TYRP1: variants seen among roughly 807,000 people sequenced by gnomAD.
TYRP1 encodes the protein 5,6-dihydroxyindole-2-carboxylic acid oxidase.
In TYRP1, 49 loss-of-function variants were observed where a neutral mutation model predicts 42.8. The observed-to-expected ratio is 1.14, with a 90% CI of 0.91 to 1.45. The LOEUF is 1.45. Among genes scored for constraint, TYRP1 ranks in the 40% most tolerant of loss-of-function variants. The pLI, the probability that TYRP1 is intolerant of heterozygous loss-of-function variation, is 0.00. For synonymous variants in TYRP1, 279 were observed against 235.4 expected (o/e 1.19, Z -1.69); for missense variants, 848 against 662.0 (o/e 1.28, Z -3.08).
At chr9:12,705,629 T>C (rs1458902218) in intron 6 of TYRP1, among the ~76,000 whole-genome samples, 1 of 151,982 alleles carries the variant, frequency 6.6e-6, no homozygotes, top group Admixed American at 6.6e-5. Flanking sequence ...TGGGGATCAC[T>C]TGAGCCCAAG....
chr9:12,708,299 A>G (rs41316021), intron 7 of TYRP1, among the ~76,000 whole-genome samples, 156 bp downstream of exon 7: 1 of 151,926 alleles, frequency 6.6e-6, no homozygotes, highest in South Asian at 2.1e-4. Context: ...AAGGAATTTG[A>G]TATTTGTTGA....
rs751553879 is a variant in TYRP1 at position 12,709,110 on chromosome 9, C to T, written c.1542C>T (p.Leu514=). The T allele has an allele frequency of 3.7e-6, 6 of 1,612,646 alleles. No individual in the cohort carries two copies. In the East Asian group the frequency reaches 1.1e-4, roughly 30 times the overall value. ...GTATGGATGAAGCTAACCAGCCTCT[C>T]CTCACTGATCAGTATCAATGCTATG... is the stretch of plus-strand genomic sequence containing the variant. The part of the protein sequence containing the change: ...RRSMDEANQP[L]LTDQYQCYAE... Residue 514 remains leucine, a synonymous_variant, in exon 8 of 8, where the codon CTC becomes CTT. Coordinates refer to ENST00000388918, the MANE Select transcript of TYRP1 (RefSeq NM_000550.3).
chr9:12,707,757 C>G (rs1586847334), intron 6 of TYRP1: 5 of 413,700 alleles, frequency 1.2e-5, no homozygotes, highest in Non-Finnish European at 2.1e-5. Context: ...AATACTAAAA[C>G]TCCCCTGCTT....
chr9:12,704,604 C>T lies in TYRP1; in HGVS notation c.1160C>T (p.Thr387Ile). 1 of 1,613,150 alleles carries T rather than the reference C, an allele frequency of 6.2e-7. No homozygotes were observed. Among genetic ancestry groups the T allele is most frequent in the African/African-American group, 1.3e-5 (1 of 74,952 alleles). ...TTGGCTCATCTATTCCTGAATGGAA[C>T]AGGGGGACAAACCCATTTGTCTCCA... is the stretch of plus-strand genomic sequence containing the variant. ...HNLAHLFLNG[T>I]GGQTHLSPND... The change falls in exon 6 of 8, where the codon ACA becomes ATA. Residue 387 changes from threonine (T) to isoleucine (I), a missense_variant. By Grantham distance (89) the Thr-to-Ile change is moderately conservative. Coordinates refer to ENST00000388918, the MANE Select transcript of TYRP1 (RefSeq NM_000550.3).
At chr9:12,708,830 A>G in intron 7 of TYRP1, 147 bp from the exon 8 acceptor site, 1 of 735,030 alleles carries the variant, frequency 1.4e-6, no homozygotes, top group Non-Finnish European at 2.3e-6. Context: ...AAAAGAAATC[A>G]GGAAGTGGCT....
intron 7 of TYRP1, 47 bp downstream of exon 7, chr9:12,708,190 A>G (rs547541225): frequency 6.2e-7 from 1 of 1,604,388 alleles, no homozygotes; most frequent in South Asian, 1.1e-5. Context: ...CCAAAAGCAA[A>G]TGTGTTATCT....
intron 3 of TYRP1, among the ~76,000 whole-genome samples, chr9:12,696,839 C>T (rs888057479): frequency 1.3e-5 from 2 of 152,010 alleles, no homozygotes; most frequent in African/African-American, 4.8e-5. Flanking sequence ...AATGAATCTC[C>T]CCCTTCAAGT....
intron 4 of TYRP1, among the ~76,000 whole-genome samples, chr9:12,699,588 A>G (rs1420904597): frequency 6.6e-6 from 1 of 152,142 alleles, no homozygotes; most frequent in Non-Finnish European, 1.5e-5. Context: ...CAGGAATTAG[A>G]TACATATTTT....
chr9:12,701,041 C>G (rs1818159616), intron 4 of TYRP1, among the ~76,000 whole-genome samples: 1 of 151,956 alleles, frequency 6.6e-6, no homozygotes, highest in African/African-American at 2.4e-5. Context: ...CTCTCACCAG[C>G]TTAGTGGATT....
At position 12,709,608 on chromosome 9, in the gene TYRP1, G is replaced by C. The variant is rs1818324809; in HGVS notation, c.*426G>C. The C allele has an allele frequency of 5.6e-6, 1 of 178,208 alleles. No individual in the cohort carries two copies. The highest frequency in any genetic ancestry group is 5.5e-5 in the Admixed American group (1 of 18,198). 11.0% of individuals were successfully genotyped at this position (178,208 alleles called of 1,614,324 possible). ...AACACATTTCCATTCATGGATATTT[G>C]TCAACAGATTTAAAGAAAACCACAG... On this transcript the variant is annotated 3_prime_UTR_variant, in exon 8 of 8. Transcript: ENST00000388918.
intron 3 of TYRP1, among the ~76,000 whole-genome samples, chr9:12,696,543 CAAAAT>C (rs1169981440): frequency 6.6e-6 from 1 of 151,984 alleles, no homozygotes; most frequent in Non-Finnish European, 1.5e-5. Flanking sequence ...TGAAAAATAT[CAAAAT>C]AATTATATCA....
intron 3 of TYRP1, among the ~76,000 whole-genome samples, chr9:12,696,555 A>G (rs945637509): frequency 5.9e-5 from 9 of 152,184 alleles, no homozygotes; most frequent in African/African-American, 2.2e-4. Flanking sequence ...AAATAATTAT[A>G]TCAGTCAGGC....
chr9:12,696,380 T>C (rs1818079554), intron 3 of TYRP1, among the ~76,000 whole-genome samples: 1 of 152,186 alleles, frequency 6.6e-6, no homozygotes, highest in Non-Finnish European at 1.5e-5. Flanking sequence ...CCCTACCCTT[T>C]GAGTCTTACA....
At chr9:12,693,800 G>T in intron 1 of TYRP1, 112 bp from the exon 2 acceptor site, 1 of 628,280 alleles carries the variant, frequency 1.6e-6, no homozygotes. Context: ...TTATTTGTGT[G>T]AAATGTCATT....
At position 12,698,527 on chromosome 9, in the gene TYRP1, C is replaced by T. The variant is rs61752939; in HGVS notation, c.785C>T (p.Thr262Met). ...GGGAAAAATGTCTGTGATATCTGCA[C>T]GGATGACTTGATGGGATCCAGAAGC... ...ATGKNVCDIC[T>M]DDLMGSRSNF... Residue 262 changes from threonine to methionine, a missense_variant, in exon 4 of 8, where the codon ACG becomes ATG. Transcript: ENST00000388918. The T allele has an allele frequency of 1.0e-3, 1,636 of 1,613,776 alleles. 2 individuals carry two copies. The highest frequency in any genetic ancestry group is 3.5e-3 in the Middle Eastern group (21 of 6,062).
intron 6 of TYRP1, 37 bp downstream of exon 6, chr9:12,704,742 G>C: frequency 6.3e-7 from 1 of 1,598,870 alleles, no homozygotes; most frequent in Non-Finnish European, 8.6e-7. Flanking sequence ...ATGCTCAGCT[G>C]GGCGGATTGT....
Position 12,694,283 on chromosome 9 carries a change from A to T in TYRP1, c.287A>T (p.Asn96Ile), listed in dbSNP as rs775780562. ...GAGGTCTGGCCCTTGCGCTTCTTCA[A>T]TAGGACATGTCACTGCAACGGCAAT... ...DREVWPLRFF[N>I]RTCHCNGNFS... Residue 96 changes from asparagine to isoleucine, a missense_variant, in exon 2 of 8, where the codon AAT becomes ATT. Asn to Ile is a moderately radical substitution (Grantham distance 149). Transcript: ENST00000388918. 6.2e-7 allele frequency: 1 copy of T among 1,613,930 alleles called. No homozygotes were observed. The highest frequency in any genetic ancestry group is 8.5e-7 in the Non-Finnish European group (1 of 1,179,958).
At position 12,704,609 on chromosome 9, in the gene TYRP1, G is replaced by C; in HGVS notation, c.1165G>C (p.Gly389Arg). The change falls in exon 6 of 8, where the codon GGA (glycine) becomes CGA (arginine). Residue 389 changes from glycine (G) to arginine (R), a missense_variant. Coordinates refer to ENST00000388918, the MANE Select transcript of TYRP1 (RefSeq NM_000550.3). ...TCATCTATTCCTGAATGGAACAGGG[G>C]GACAAACCCATTTGTCTCCAAATGA... ...LAHLFLNGTG[G>R]QTHLSPNDPI... 1 of 1,612,968 alleles carries C rather than the reference G, an allele frequency of 6.2e-7. No individual in the cohort carries two copies. Among genetic ancestry groups the C allele is most frequent in the Non-Finnish European group, 8.5e-7 (1 of 1,179,412 alleles).
chr9:12,708,914 C>T (rs1818306073), intron 7 of TYRP1, 63 bp from the exon 8 acceptor site: 1 of 1,412,606 alleles, frequency 7.1e-7, no homozygotes, highest in Non-Finnish European at 9.9e-7. Context: ...TTTCATCTGT[C>T]CACTTTTTGG....
Sources: allele counts gnomAD v4.1 joint callset (sites outside exome capture counted in the v4.1 genomes callset), GRCh38; gene constraint gnomAD v4.1.1; transcripts MANE v1.5; gene names NCBI Gene and HGNC (gene_info 2026-07-23, HGNC 2026-07-21).